The following MAN2B2 variants were observed in gnomAD, a reference collection of about 807,000 sequenced individuals.
The protein encoded by MAN2B2 is epididymis-specific alpha-mannosidase.
Under a neutral mutation model 117.1 loss-of-function variants are expected in MAN2B2, and 106 were observed. The ratio of observed to expected loss-of-function variants is 0.90; its 90% CI spans 0.77 to 1.06. The LOEUF is 1.06. MAN2B2 is among the 50% of genes least tolerant of loss of function. MAN2B2 has a pLI of 0.00. For missense variants in MAN2B2, 1,326 were observed against 1,381.4 expected (o/e 0.96, Z 0.64); for synonymous variants, 544 against 595.1 (o/e 0.91, Z 1.25).
In MAN2B2 at chr4:6,593,267, A is replaced by C; in HGVS notation, c.775A>C (p.Ile259Leu). The C allele has an allele frequency of 6.2e-7, 1 of 1,613,980 alleles. No homozygotes were observed. Residue 259 changes from isoleucine to leucine, a missense_variant, in exon 6 of 19, where the codon ATC (isoleucine) becomes CTC (leucine). Ile to Leu is a conservative substitution (Grantham distance 5). Transcript: ENST00000285599. The part of the protein sequence containing the change: ...NMSEPVTPAN[I>L]NLYAEALVAN... ...GAGTGAGCCTGTCACCCCAGCCAAC[A>C]TCAACCTCTATGCCGAGGCCCTGGT...
intron 4 of MAN2B2, 83 bp downstream of exon 4, chr4:6,587,251 G>T: frequency 6.6e-7 from 1 of 1,506,752 alleles, no homozygotes; most frequent in African/African-American, 1.4e-5. Flanking sequence ...GAAAGCTGCT[G>T]CTCTATGCCG....
chr4:6,613,689 GA>G (rs1458545285), intron 15 of MAN2B2, among the ~76,000 whole-genome samples: 1 of 125,272 alleles, frequency 8.0e-6, no homozygotes, highest in African/African-American at 3.0e-5. Context: ...AGGAAGGAGG[GA>G]AGGAAGGAAG....
Position 6,605,215 on chromosome 4 carries a change from G to A in MAN2B2, c.1700G>A (p.Arg567His), listed in dbSNP as rs760614382. The A allele has an allele frequency of 2.9e-5, 47 of 1,614,088 alleles. No homozygotes were observed. Among genetic ancestry groups the A allele is most frequent in the Admixed American group, 1.0e-4 (6 of 60,008 alleles). The change falls in exon 11 of 19, where the codon CGC (arginine) becomes CAC (histidine). Residue 567 changes from arginine (R) to histidine (H), a missense_variant. Coordinates refer to ENST00000285599, the MANE Select transcript of MAN2B2 (RefSeq NM_015274.3). ...ATVASTLQFG[R>H]RLRRRTSHAG... ...GTGGCGAGCACCCTTCAATTTGGCC[G>A]CAGGCTGAGGAGACGCACCAGCCAT...
intron 6 of MAN2B2, 82 bp downstream of exon 6, chr4:6,593,432 C>A: frequency 1.4e-6 from 2 of 1,384,266 alleles, no homozygotes; most frequent in East Asian, 2.6e-5. Flanking sequence ...CCCAGGGCCA[C>A]CCTATCCAGA....
Position 6,621,333 on chromosome 4 carries a change from GT to G in MAN2B2, c.*49del. 1.3e-6 allele frequency: 2 copies of G among 1,510,016 alleles called. No homozygotes were observed. Among genetic ancestry groups the G allele is most frequent in the African/African-American group, 1.4e-5 (1 of 72,864 alleles). 93.5% of individuals were successfully genotyped at this position (1,510,016 alleles called of 1,614,324 possible). Reference sequence around the variant, plus strand: ...CCAGGGCTTCCCCCAGGAACTCCATGTAACAGAACAGACCCAGGACAGGGAA... The same window carrying G: ...CCAGGGCTTCCCCCAGGAACTCCATGAACAGAACAGACCCAGGACAGGGAA... On this transcript the variant is annotated 3_prime_UTR_variant, in exon 19 of 19. Transcript: ENST00000285599.
Position 6,597,026 on chromosome 4 carries a change from C to T in MAN2B2, c.1058-87C>T, listed in dbSNP as rs1727121690. On this transcript the variant is annotated intron_variant, in intron 7 of 18. Coordinates refer to ENST00000285599, the MANE Select transcript of MAN2B2 (RefSeq NM_015274.3). ...CCCTGGCAGAGGCTGCCTCTGCAGC[C>T]CCAGCTTCTCAGCTCTTCCAGGGCT... 17 of 1,356,026 alleles carry T rather than the reference C, an allele frequency of 1.3e-5. No homozygotes were observed. The Admixed American group carries it at 1.5e-4, about 12-fold the overall frequency. 84.0% of individuals were successfully genotyped at this position (1,356,026 alleles called of 1,614,324 possible). A position where few individuals can be genotyped will look rare whatever the true frequency, so the allele number is the denominator to read the frequency against.
chr4:6,600,783 G>C, intron 10 of MAN2B2, 27 bp downstream of exon 10: 3 of 1,611,438 alleles, frequency 1.9e-6, no homozygotes, highest in Middle Eastern at 3.8e-4. Flanking sequence ...CTGCTGGAGG[G>C]GCCTTAGCTG....
intron 3 of MAN2B2, among the ~76,000 whole-genome samples, chr4:6,583,968 T>G (rs945496171): frequency 6.6e-6 from 1 of 152,174 alleles, no homozygotes; most frequent in Admixed American, 6.5e-5. Flanking sequence ...CCCTGGAAGG[T>G]CAAACTCCGC....
intron 3 of MAN2B2, among the ~76,000 whole-genome samples, chr4:6,583,784 A>G (rs547437775): frequency 1.3e-5 from 2 of 152,354 alleles, no homozygotes; most frequent in East Asian, 3.9e-4. Flanking sequence ...TGCTGTATTG[A>G]TCCTTGATCC....
At position 6,598,320 on chromosome 4, in the gene MAN2B2, G is replaced by C; in HGVS notation, c.1371G>C (p.Glu457Asp). ...RKLMASIVLDELQPQAPMAAS... is the reference protein window; with the variant it reads ...RKLMASIVLDDLQPQAPMAAS... ...TGATGGCCTCCATCGTCCTAGATGA[G>C]CTCCAGCCCCAGGCACCCATGGCGG... Residue 457 changes from glutamate to aspartate, a missense_variant, in exon 9 of 19, where the codon GAG (glutamate) becomes GAC (aspartate). Physicochemically the swap from Glu to Asp is conservative, Grantham distance 45 (BLOSUM62 2). Coordinates refer to ENST00000285599, the MANE Select transcript of MAN2B2 (RefSeq NM_015274.3). 1 of 1,613,304 alleles carries C rather than the reference G, an allele frequency of 6.2e-7. No homozygotes were observed. The highest frequency in any genetic ancestry group is 8.5e-7 in the Non-Finnish European group (1 of 1,179,930).
intron 10 of MAN2B2, among the ~76,000 whole-genome samples, chr4:6,601,693 G>A (rs746378907): frequency 2.6e-5 from 4 of 152,206 alleles, no homozygotes; most frequent in Non-Finnish European, 5.9e-5. Context: ...AAGGTTGGAA[G>A]GGGCTTGTTA....
chr4:6,587,200 G>T (rs757185056), intron 4 of MAN2B2, 32 bp downstream of exon 4: 1 of 1,600,420 alleles, frequency 6.2e-7, no homozygotes. Flanking sequence ...CTGCCGCCCA[G>T]CGACCGCTCC....
At chr4:6,590,851 G>A (rs889905938) in intron 5 of MAN2B2, among the ~76,000 whole-genome samples, 1 of 149,420 alleles carries the variant, frequency 6.7e-6, no homozygotes, top group Non-Finnish European at 1.5e-5. Flanking sequence ...GGATCACAAT[G>A]AAGAAGGCCG....
chr4:6,611,026 C>T (rs774556472), intron 14 of MAN2B2, 36 bp downstream of exon 14: 7 of 1,613,112 alleles, frequency 4.3e-6, no homozygotes, highest in South Asian at 2.2e-5. Flanking sequence ...CAGCCCCTCG[C>T]GGCCCCCTAC....
At chr4:6,591,467 G>A (rs1021948890) in intron 5 of MAN2B2, among the ~76,000 whole-genome samples, 5 of 152,248 alleles carry the variant, frequency 3.3e-5, no homozygotes, top group Non-Finnish European at 4.4e-5. Flanking sequence ...GCAAGGGGGC[G>A]GGTGCCCTCC....
intron 5 of MAN2B2, among the ~76,000 whole-genome samples, chr4:6,591,349 T>C (rs1726853115): frequency 6.6e-6 from 1 of 152,256 alleles, no homozygotes; most frequent in Admixed American, 6.5e-5. Flanking sequence ...GTGACGTCCA[T>C]AGCAGCTTCT....
rs1348448477 is a variant in MAN2B2 at position 6,576,621 on chromosome 4, T to C, written c.182T>C (p.Val61Ala). The C allele has an allele frequency of 2.5e-6, 4 of 1,613,648 alleles. No individual in the cohort carries two copies. The highest frequency in any genetic ancestry group is 2.2e-5 in the East Asian group (1 of 44,882). Residue 61 changes from valine to alanine, a missense_variant, in exon 2 of 19, where the codon GTG (valine) becomes GCG (alanine). Coordinates refer to ENST00000285599, the MANE Select transcript of MAN2B2 (RefSeq NM_015274.3). Reference protein sequence around the residue: ...AYAANVYTSVVEELARGQQRR... With the variant: ...AYAANVYTSVAEELARGQQRR... Reference sequence around the variant, plus strand: ...GCCGCCAATGTCTACACCTCAGTGGTGGAAGAGCTGGCCCGCGGCCAGCAG... The same window carrying C: ...GCCGCCAATGTCTACACCTCAGTGGCGGAAGAGCTGGCCCGCGGCCAGCAG...
intron 3 of MAN2B2, among the ~76,000 whole-genome samples, chr4:6,582,687 A>C (rs182388382): frequency 6.6e-6 from 1 of 151,474 alleles, no homozygotes; most frequent in Non-Finnish European, 1.5e-5. Context: ...TCAAAAAAAA[A>C]TTTTTTTTAA....
chr4:6,594,490 G>A (rs375585646), intron 6 of MAN2B2, 44 bp from the exon 7 acceptor site: 144 of 1,585,872 alleles, frequency 9.1e-5, no homozygotes, highest in East Asian at 1.8e-4. Flanking sequence ...CTGGGCGAGC[G>A]CCCTGCTCCC....
Sources: gnomAD v4.1 joint callset for allele counts (sites outside exome capture counted in the v4.1 genomes callset) on GRCh38, gnomAD v4.1.1 for gene constraint, MANE v1.5 for transcripts, NCBI Gene and HGNC (gene_info 2026-07-23, HGNC 2026-07-21) for gene names.